RNF17: variants seen among roughly 807,000 people sequenced by gnomAD.
The protein encoded by RNF17 is ring finger protein 17.
A neutral mutation model predicts 200.5 loss-of-function variants in RNF17; 31 were observed. The observed-to-expected ratio is 0.15, with a 90% CI of 0.12 to 0.21. The LOEUF (loss-of-function observed/expected upper bound fraction) is 0.21, where lower values mean the gene tolerates loss of function less well. RNF17 is among the 10% of genes least tolerant of loss of function. RNF17 has a pLI of 1.00. For synonymous variants in RNF17, 606 were observed against 637.8 expected (o/e 0.95, Z 0.75); for missense variants, 1,628 against 1,905.1 (o/e 0.85, Z 2.71).
intron 18 of RNF17, among the ~76,000 whole-genome samples, chr13:24,834,320 C>T (rs1566197510): frequency 6.6e-6 from 1 of 152,094 alleles, no homozygotes; most frequent in Admixed American, 6.5e-5. Context: ...GAGGCTGAGG[C>T]AGGAGAATCA....
Position 24,798,410 on chromosome 13 carries a change from A to G in RNF17, c.1400-985A>G, listed in dbSNP as rs151039928. 1.1e-4 allele frequency among the ~76,000 whole-genome samples: 17 copies of G among 152,316 alleles called. No individual in the cohort carries two copies. In the East Asian group the frequency reaches 3.3e-3, roughly 29 times the overall value. On this transcript the variant is annotated intron_variant, in intron 11 of 35. Transcript: ENST00000255324. ...AGGGTCACTGACAAACTGAAGATCA[A>G]ACGTTTTGGTAGGACTTAAAAGGCT...
chr13:24,773,829 A>G (rs1350221571), intron 2 of RNF17, among the ~76,000 whole-genome samples: 3 of 152,266 alleles, frequency 2.0e-5, no homozygotes, highest in South Asian at 4.1e-4. Flanking sequence ...TGAGGTTTCA[A>G]TGAGATAGTT....
At chr13:24,829,109 A>G (rs1474073853) in intron 16 of RNF17, among the ~76,000 whole-genome samples, 4 of 151,976 alleles carry the variant, frequency 2.6e-5, no homozygotes, top group African/African-American at 4.8e-5. Context: ...ATCTTCTCCA[A>G]TTGGGCTGCT....
At chr13:24,766,098 C>T (rs1036843116) in intron 1 of RNF17, among the ~76,000 whole-genome samples, 3 of 152,184 alleles carry the variant, frequency 2.0e-5, no homozygotes, top group Non-Finnish European at 4.4e-5. Flanking sequence ...GGCGTGCTGA[C>T]GCACACCTGT....
At chr13:24,882,184 A>G (rs868864572), downstream of RNF17, 1 of 2,458 alleles carries the variant, frequency 4.1e-4, no homozygotes, top group Non-Finnish European at 2.7e-3. Flanking sequence ...ATACATCTAT[A>G]TAGATATATA....
intron 27 of RNF17, 111 bp from the exon 28 acceptor site, chr13:24,862,602 G>A (rs1418292129): frequency 1.0e-5 from 7 of 666,952 alleles, no homozygotes; most frequent in Non-Finnish European, 2.0e-5. Flanking sequence ...TGTGTATTTT[G>A]TACTACTATC....
chr13:24,820,919 C>A (rs990768124), intron 15 of RNF17, among the ~76,000 whole-genome samples: 1 of 152,086 alleles, frequency 6.6e-6, no homozygotes, highest in Non-Finnish European at 1.5e-5. Context: ...CTAATAGTGT[C>A]TTAGTTCCCT....
At chr13:24,876,545 G>A (rs891015004) in intron 33 of RNF17, among the ~76,000 whole-genome samples, 2 of 152,222 alleles carry the variant, frequency 1.3e-5, no homozygotes, top group African/African-American at 4.8e-5. Context: ...CTCACTAAGA[G>A]TGCGCAAAGG....
chr13:24,764,165 A>G, upstream of RNF17: 11 of 1,542,580 alleles, frequency 7.1e-6, no homozygotes, highest in Non-Finnish European at 8.8e-6. Context: ...GGCCGCCGGG[A>G]CTCGCACTCG....
chr13:24,788,787 A>G (rs1883457554), intron 7 of RNF17, among the ~76,000 whole-genome samples: 1 of 152,214 alleles, frequency 6.6e-6, no homozygotes, highest in African/African-American at 2.4e-5. Flanking sequence ...CTAAGGGTAT[A>G]GGTTTTGCTT....
chr13:24,812,828 C>A (rs71431704), intron 15 of RNF17, among the ~76,000 whole-genome samples: 21,690 of 151,766 alleles, frequency 0.14, 2,041 homozygotes, highest in Admixed American at 0.26. Flanking sequence ...ACTACGGGTG[C>A]CTGCCACCAC....
At chr13:24,793,384 T>C in intron 10 of RNF17, 38 bp downstream of exon 10, 1 of 1,519,204 alleles carries the variant, frequency 6.6e-7, no homozygotes, top group Non-Finnish European at 8.8e-7. Context: ...AAAGATCTTG[T>C]ATCTGTAATT....
chr13:24,763,439 G>T (rs934270897), upstream of RNF17, among the ~76,000 whole-genome samples: 1 of 143,626 alleles, frequency 7.0e-6, no homozygotes, highest in African/African-American at 2.6e-5. Context: ...GGATGGTCTC[G>T]ATCTCCTGAC....
intron 11 of RNF17, among the ~76,000 whole-genome samples, chr13:24,797,573 C>T (rs1884714564): frequency 6.6e-6 from 1 of 151,998 alleles, no homozygotes; most frequent in African/African-American, 2.4e-5. Flanking sequence ...CACATTCTCC[C>T]CGTGTCTGTG....
chr13:24,802,767 T>G (rs868376365), intron 14 of RNF17, among the ~76,000 whole-genome samples, 196 bp downstream of exon 14: 3 of 152,164 alleles, frequency 2.0e-5, no homozygotes, highest in Middle Eastern at 3.4e-3. Flanking sequence ...TTTAAGAAAA[T>G]AGGCTGGGCA....
At chr13:24,855,357 C>T (rs544307680) in intron 25 of RNF17, among the ~76,000 whole-genome samples, 12 of 152,134 alleles carry the variant, frequency 7.9e-5, no homozygotes, top group South Asian at 2.1e-4. Flanking sequence ...TGGCCAGGCA[C>T]GGTGGCTCAT....
chr13:24,761,039 C>T (rs570210984), upstream of RNF17, among the ~76,000 whole-genome samples: 1 of 152,220 alleles, frequency 6.6e-6, no homozygotes, highest in East Asian at 1.9e-4. Context: ...TAAATTAGTA[C>T]AGCCATTATG....
intron 11 of RNF17, 127 bp from the exon 12 acceptor site, chr13:24,799,268 A>G (rs1451365275): frequency 5.7e-6 from 4 of 695,984 alleles, no homozygotes; most frequent in Non-Finnish European, 9.9e-6. Context: ...GCACTTGAAC[A>G]CAGTGCTATA....
rs1566251626 is a variant in RNF17, at chr13:24,868,622, A to ACACTCCTCTTTTACCACC, written c.4185_4202dup (p.Thr1396_Pro1401dup). The ACACTCCTCTTTTACCACC allele has an allele frequency of 1.1e-5, 17 of 1,605,520 alleles. No individual in the cohort carries two copies. Among genetic ancestry groups the ACACTCCTCTTTTACCACC allele is most frequent in the Non-Finnish European group, 1.5e-5 (17 of 1,172,318 alleles). ...TAGGAATTGCTTTCGGCTGAAACAG[A>ACACTCCTCTTTTACCACC]CACTCCTCTTTTACCACCATATTTG... On this transcript the variant is annotated inframe_insertion, in exon 31 of 36. Transcript: ENST00000255324.
Sources: gnomAD v4.1 joint callset for allele counts (sites outside exome capture counted in the v4.1 genomes callset) on GRCh38, gnomAD v4.1.1 for gene constraint, MANE v1.5 for transcripts, NCBI Gene and HGNC (gene_info 2026-07-23, HGNC 2026-07-21) for gene names.